Variants in KDM4C observed in about 807,000 individuals in gnomAD.
The protein encoded by KDM4C is lysine demethylase 4C.
In KDM4C, 81 loss-of-function variants were observed where a neutral mutation model predicts 129.3. The ratio of observed to expected loss-of-function variants is 0.63; its 90% CI spans 0.52 to 0.75. The LOEUF (loss-of-function observed/expected upper bound fraction) is 0.75. KDM4C is among the 30% of genes least tolerant of loss of function. The pLI is 0.00. For synonymous variants in KDM4C, 573 were observed against 456.1 expected, an observed-to-expected ratio of 1.26 and a Z score of -3.26; for missense variants, 1,457 against 1,304.0, an observed-to-expected ratio of 1.12 and a Z score of -1.81.
chr9:7,091,252 G>C (rs1433225621), intron 17 of KDM4C, among the ~76,000 whole-genome samples: 2 of 152,012 alleles, frequency 1.3e-5, no homozygotes. Context: ...GTGGAGGTCT[G>C]AATTCACTTG....
intron 6 of KDM4C, among the ~76,000 whole-genome samples, chr9:6,884,257 G>A (rs1331372629): frequency 6.6e-6 from 1 of 152,124 alleles, no homozygotes; most frequent in Admixed American, 6.5e-5. Context: ...GCACCAAGAG[G>A]CCAAATGTAA....
In KDM4C at chr9:6,814,670, G is replaced by C. The variant is rs550609187; in HGVS notation, c.360G>C (p.Glu120Asp). 1.9e-6 allele frequency: 3 copies of C among 1,608,694 alleles called. No individual in the cohort carries two copies. Among genetic ancestry groups the C allele is most frequent in the African/African-American group, 1.3e-5 (1 of 74,820 alleles). The change falls in exon 4 of 22, where the codon GAG becomes GAC. Residue 120 changes from glutamate to aspartate, a missense_variant. By Grantham distance (45) the Glu-to-Asp change is conservative. Coordinates refer to ENST00000381309, the MANE Select transcript of KDM4C (RefSeq NM_015061.6). ...GATACTTGGATTACGAAGATTTGGAGCGCAAGTACTGGAAGAACTTAACTT... is the reference window on the plus strand; with the variant it reads ...GATACTTGGATTACGAAGATTTGGACCGCAAGTACTGGAAGAACTTAACTT... ...TPRYLDYEDLERKYWKNLTFV... is the reference protein window; with the variant it reads ...TPRYLDYEDLDRKYWKNLTFV...
chr9:7,067,670 C>A (rs1031892525), intron 17 of KDM4C, among the ~76,000 whole-genome samples: 2 of 152,092 alleles, frequency 1.3e-5, no homozygotes, highest in Non-Finnish European at 2.9e-5. Flanking sequence ...GTTTTAGTTA[C>A]AAAAGTAACA....
chr9:6,891,297 T>C (rs1331522045), intron 7 of KDM4C, among the ~76,000 whole-genome samples: 6 of 152,202 alleles, frequency 3.9e-5, no homozygotes, highest in African/African-American at 1.2e-4. Context: ...AAGTGTGATA[T>C]ATTTTATGTA....
chr9:6,923,664 C>A (rs914151144), intron 8 of KDM4C, among the ~76,000 whole-genome samples: 1 of 152,208 alleles, frequency 6.6e-6, no homozygotes, highest in African/African-American at 2.4e-5. Flanking sequence ...GACATCTGAA[C>A]TAATGGCTTG....
At chr9:7,106,880 A>G (rs1030296846) in intron 18 of KDM4C, among the ~76,000 whole-genome samples, 5 of 152,206 alleles carry the variant, frequency 3.3e-5, no homozygotes, top group African/African-American at 1.2e-4. Context: ...AATTCATCTG[A>G]TTTGTTAATA....
chr9:7,020,949 C>T (rs1586965792), intron 15 of KDM4C, among the ~76,000 whole-genome samples: 1 of 141,544 alleles, frequency 7.1e-6, no homozygotes, highest in African/African-American at 2.7e-5. Context: ...CATTCCCATT[C>T]CCCTCACCCC....
At chr9:7,065,937 G>A (rs1832359784) in intron 17 of KDM4C, among the ~76,000 whole-genome samples, 2 of 151,122 alleles carry the variant, frequency 1.3e-5, no homozygotes, top group Middle Eastern at 3.4e-3. Flanking sequence ...CTTTCACGAT[G>A]TCACAGTTCT....
chr9:7,027,218 C>G (rs1371119703), intron 15 of KDM4C, among the ~76,000 whole-genome samples: 3 of 152,156 alleles, frequency 2.0e-5, no homozygotes, highest in Non-Finnish European at 2.9e-5. Context: ...CTGGTTTTTA[C>G]CCATTCTCCT....
chr9:7,059,767 G>A (rs925003646), intron 17 of KDM4C, among the ~76,000 whole-genome samples: 4 of 151,884 alleles, frequency 2.6e-5, no homozygotes, highest in South Asian at 2.1e-4. Flanking sequence ...TTAAAACAAC[G>A]CCACTCTTCA....
chr9:6,873,921 AGAGAGAGAGT>A (rs1220770773), intron 5 of KDM4C, among the ~76,000 whole-genome samples: 61 of 145,046 alleles, frequency 4.2e-4, no homozygotes, highest in African/African-American at 1.5e-3. Context: ...AGAGCGAGAG[AGAGAGAGAGT>A]GAGAGAGAGC....
At chr9:7,046,711 T>A in intron 15 of KDM4C, 151 bp from the exon 16 acceptor site, 1 of 633,120 alleles carries the variant, frequency 1.6e-6, no homozygotes. Flanking sequence ...CTGTCTTTCT[T>A]TTTGAACTTC....
rs549377961 is a variant in KDM4C, at chr9:6,831,599, T to C, written c.435+16854T>C. Among the ~76,000 whole-genome samples the C allele has an allele frequency of 1.4e-4, 22 of 152,260 alleles. No homozygotes were observed. In the South Asian group the frequency reaches 4.4e-3, roughly 30 times the overall value. On this transcript the variant is annotated intron_variant, in intron 4 of 21. Coordinates refer to ENST00000381309, the MANE Select transcript of KDM4C (RefSeq NM_015061.6). The stretch of plus-strand genomic sequence containing the variant: ...CTCAGGTAATCCAGCCAACTCGGCC[T>C]CTAAAGTGCTGGGATTACAGGTGTA...
chr9:7,057,077 G>C (rs760139608), intron 17 of KDM4C, among the ~76,000 whole-genome samples: 2 of 152,184 alleles, frequency 1.3e-5, no homozygotes, highest in Non-Finnish European at 2.9e-5. Context: ...TTGTTTTTCT[G>C]AGAAGAAGGG....
chr9:7,071,700 G>A (rs749812793), intron 17 of KDM4C, among the ~76,000 whole-genome samples: 46 of 152,204 alleles, frequency 3.0e-4, no homozygotes, highest in Middle Eastern at 3.4e-3. Context: ...TGGGTTTTAC[G>A]TCACAAAAGC....
chr9:6,957,100 G>C (rs569113343), intron 8 of KDM4C, among the ~76,000 whole-genome samples: 1 of 152,264 alleles, frequency 6.6e-6, no homozygotes, highest in East Asian at 1.9e-4. Context: ...TCTTCTGTTT[G>C]TGATATTTTT....
At chr9:6,919,147 A>T (rs1316303241) in intron 8 of KDM4C, among the ~76,000 whole-genome samples, 2 of 151,948 alleles carry the variant, frequency 1.3e-5, no homozygotes, top group African/African-American at 4.8e-5. Context: ...CACCACGCCC[A>T]GCCTACTCAC....
chr9:6,941,393 G>A (rs1428825650), intron 8 of KDM4C, among the ~76,000 whole-genome samples: 1 of 151,798 alleles, frequency 6.6e-6, no homozygotes, highest in Non-Finnish European at 1.5e-5. Flanking sequence ...TTGTAAATTT[G>A]TTTCTTATAG....
intron 20 of KDM4C, among the ~76,000 whole-genome samples, chr9:7,169,591 C>A (rs992868856): frequency 2.6e-5 from 4 of 152,140 alleles, no homozygotes; most frequent in African/African-American, 9.7e-5. Flanking sequence ...CTCAGCCTCC[C>A]AAAGTGCTGG....
Sources: allele counts gnomAD v4.1 joint callset (sites outside exome capture counted in the v4.1 genomes callset), GRCh38; gene constraint gnomAD v4.1.1; transcripts MANE v1.5; gene names NCBI Gene and HGNC (gene_info 2026-07-23, HGNC 2026-07-21).